The following PIWIL3 variants were observed in gnomAD, a reference collection of about 807,000 sequenced individuals.
The protein encoded by PIWIL3 is piwi-like protein 3.
PIWIL3 carries 101 observed loss-of-function variants against 109.7 expected under a neutral mutation model. The observed-to-expected ratio is 0.92, with a 90% CI of 0.78 to 1.09. The LOEUF is 1.09. Among genes scored for constraint, PIWIL3 ranks in the 50% least tolerant of loss-of-function variants. PIWIL3 has a pLI of 0.00. For synonymous variants in PIWIL3, 373 were observed against 376.4 expected, an observed-to-expected ratio of 0.99 and a Z score of 0.10; for missense variants, 1,031 against 1,072.6, an observed-to-expected ratio of 0.96 and a Z score of 0.54.
At chr22:24,729,939 T>C (rs1046206228) in intron 14 of PIWIL3, among the ~76,000 whole-genome samples, 5 of 152,152 alleles carry the variant, frequency 3.3e-5, no homozygotes, top group Admixed American at 6.5e-5. Context: ...TTTTCTTTTT[T>C]TTTTTTTTTA....
At chr22:24,766,322 T>G (rs1019122267) in intron 1 of PIWIL3, among the ~76,000 whole-genome samples, 16 of 151,292 alleles carry the variant, frequency 1.1e-4, no homozygotes, top group African/African-American at 3.7e-4. Flanking sequence ...TTTGTTTTGT[T>G]TTTGTTTTTG....
chr22:24,770,660 T>TAAA (rs57209194), intron 1 of PIWIL3, among the ~76,000 whole-genome samples: 20 of 77,552 alleles, frequency 2.6e-4, no homozygotes, highest in African/African-American at 5.3e-4. Flanking sequence ...CCGTCTCTAC[T>TAAA]AAAAAAAAAA....
At chr22:24,732,121 T>G (rs1923387711) in intron 14 of PIWIL3, among the ~76,000 whole-genome samples, 1 of 152,228 alleles carries the variant, frequency 6.6e-6, no homozygotes, top group African/African-American at 2.4e-5. Flanking sequence ...TCACATTTTA[T>G]TTTAGGTACA....
intron 12 of PIWIL3, among the ~76,000 whole-genome samples, chr22:24,741,228 C>T (rs989973576): frequency 2.0e-5 from 3 of 152,096 alleles, no homozygotes; most frequent in African/African-American, 4.8e-5. Flanking sequence ...GATTAAAAAC[C>T]TCATGGCCAG....
chr22:24,745,432 TGGGACTC>T lies in PIWIL3; in HGVS notation c.1449+3468_1449+3474del, dbSNP rs1204769759. ...GCCAAGATGGCAAAATCCCAGGTGCTGGGACTCGGGAGACTGAGGCACAAGAATTGCT... is the reference window on the plus strand; with the variant it reads ...GCCAAGATGGCAAAATCCCAGGTGCTGGGAGACTGAGGCACAAGAATTGCT... On this transcript the variant is annotated intron_variant, in intron 12 of 20. Transcript: ENST00000616349. Among the ~76,000 whole-genome samples the T allele has an allele frequency of 2.0e-5, 3 of 151,926 alleles. No homozygotes were observed. In the East Asian group the frequency reaches 5.8e-4, roughly 29 times the overall value.
At chr22:24,730,104 C>G (rs568801479) in intron 14 of PIWIL3, among the ~76,000 whole-genome samples, 2 of 152,068 alleles carry the variant, frequency 1.3e-5, no homozygotes, top group Non-Finnish European at 2.9e-5. Context: ...CAGAGGCTTA[C>G]GCCTGTAATC....
At chr22:24,722,231 C>T (rs185257483) in intron 19 of PIWIL3, among the ~76,000 whole-genome samples, 1 of 152,228 alleles carries the variant, frequency 6.6e-6, no homozygotes, top group African/African-American at 2.4e-5. Flanking sequence ...TACAGGTGCC[C>T]GCCACCATGC....
rs1055696956 is a variant in PIWIL3, at chr22:24,754,080, T to G, written c.911A>C (p.Gln304Pro). 4.3e-6 allele frequency: 7 copies of G among 1,613,034 alleles called. No individual in the cohort carries two copies. In the African/African-American group the frequency reaches 5.3e-5, roughly 12 times the overall value. Residue 304 changes from glutamine to proline, a missense_variant, in exon 8 of 21, where the codon CAG becomes CCG. Gln to Pro is a moderately conservative substitution (Grantham distance 76). Transcript: ENST00000616349. ...AYDFIKRTSA[Q>P]AQTGNIREEV... ...CTCTCGGATGTTTCCTGTCTGGGCCTGGGCAGATGTTCTCTTTATGAAATC... is the reference window on the plus strand; with the variant it reads ...CTCTCGGATGTTTCCTGTCTGGGCCGGGGCAGATGTTCTCTTTATGAAATC...
At position 24,758,015 on chromosome 22, in the gene PIWIL3, G is replaced by A. The variant is rs1439846581; in HGVS notation, c.248C>T (p.Ala83Val). The A allele has an allele frequency of 2.5e-6, 4 of 1,613,294 alleles. No homozygotes were observed. The highest frequency in any genetic ancestry group is 3.4e-6 in the Non-Finnish European group (4 of 1,179,840). The change falls in exon 4 of 21, where the codon GCT becomes GTT. Residue 83 changes from alanine to valine, a missense_variant. Physicochemically the swap from Ala to Val is moderately conservative, Grantham distance 64. Coordinates refer to ENST00000616349, the MANE Select transcript of PIWIL3 (RefSeq NM_001255975.1). The stretch of plus-strand genomic sequence containing the variant: ...CTGCAAGGGCGCTGTATGCAACCCA[G>A]CCTCAGGTCCAGGTTCCTTCACCCC... ...SQGVKEPGPE[A>V]GLHTAPLQER... is the part of the protein sequence containing the mutation.
chr22:24,736,904 T>C (rs989629787), intron 12 of PIWIL3, among the ~76,000 whole-genome samples: 4 of 152,186 alleles, frequency 2.6e-5, no homozygotes, highest in African/African-American at 9.7e-5. Context: ...AAAGGGGAAT[T>C]TCCCAGCCCA....
chr22:24,739,980 G>A (rs1923890966), intron 12 of PIWIL3, among the ~76,000 whole-genome samples: 1 of 149,962 alleles, frequency 6.7e-6, no homozygotes, highest in African/African-American at 2.5e-5. Context: ...GAACCCGGTA[G>A]GTGGAGCTTG....
At chr22:24,756,396 CAACA>C in intron 5 of PIWIL3, 91 bp downstream of exon 5, 4 of 1,261,848 alleles carry the variant, frequency 3.2e-6, no homozygotes, top group Non-Finnish European at 4.4e-6. Context: ...TGGGATGTCT[CAACA>C]AACAACTGCA....
intron 2 of PIWIL3, chr22:24,762,069 G>T: frequency 1.0e-6 from 1 of 960,202 alleles, no homozygotes; most frequent in Non-Finnish European, 1.3e-6. Flanking sequence ...GGCTATGCCA[G>T]TACCTTCAGG....
intron 1 of PIWIL3, among the ~76,000 whole-genome samples, chr22:24,766,439 C>T (rs1333998415): frequency 1.3e-5 from 2 of 152,154 alleles, no homozygotes. Context: ...CTGCCTCAGC[C>T]TCCCGAGTAG....
intron 2 of PIWIL3, among the ~76,000 whole-genome samples, chr22:24,760,872 TGA>T (rs139848311): frequency 0.011 from 1,602 of 149,746 alleles, 31 homozygotes; most frequent in African/African-American, 0.036. Flanking sequence ...GGGAACAGGC[TGA>T]GAGACAAGGA....
At chr22:24,747,080 A>G (rs1924418540) in intron 12 of PIWIL3, among the ~76,000 whole-genome samples, 1 of 152,176 alleles carries the variant, frequency 6.6e-6, no homozygotes, top group Non-Finnish European at 1.5e-5. Flanking sequence ...TTCAAATTAT[A>G]CTACAGAGCT....
chr22:24,748,235 A>G (rs1924487237), intron 12 of PIWIL3, among the ~76,000 whole-genome samples: 1 of 152,184 alleles, frequency 6.6e-6, no homozygotes, highest in African/African-American at 2.4e-5. Flanking sequence ...GATGAAAACA[A>G]TTGAACTCAT....
intron 12 of PIWIL3, among the ~76,000 whole-genome samples, chr22:24,741,280 A>C (rs539130998): frequency 5.9e-5 from 9 of 152,256 alleles, no homozygotes; most frequent in Non-Finnish European, 1.3e-4. Context: ...TTTGGGAGGC[A>C]GAGGTGGGCC....
Position 24,759,936 on chromosome 22 carries a change from G to A in PIWIL3, c.156C>T (p.Val52=). The A allele has an allele frequency of 6.2e-7, 1 of 1,614,140 alleles. No individual in the cohort carries two copies. Among genetic ancestry groups the A allele is most frequent in the Non-Finnish European group, 8.5e-7 (1 of 1,180,034 alleles). Residue 52 remains valine (V), a synonymous_variant, in exon 3 of 21, where the codon GTC becomes GTT. Transcript: ENST00000616349. ...QSTPRPLQEE[V]PVVRPLQPRA... is the part of the protein sequence containing the mutation. ...TTGGCTGCAGAGGTCTAACCACTGG[G>A]ACTTCCTCCTGCAGCGGCCGGGGTG... is the stretch of plus-strand genomic sequence containing the variant.
Sources: gnomAD v4.1 joint callset for allele counts (sites outside exome capture counted in the v4.1 genomes callset) on GRCh38, gnomAD v4.1.1 for gene constraint, MANE v1.5 for transcripts, NCBI Gene and HGNC (gene_info 2026-07-23, HGNC 2026-07-21) for gene names.